Variants in CSMD1 observed in about 807,000 individuals in gnomAD.
CSMD1 encodes CUB and sushi domain-containing protein 1.
A neutral mutation model predicts 417.5 loss-of-function variants in CSMD1; 213 were observed. The ratio of observed to expected loss-of-function variants is 0.51; its 90% confidence interval spans 0.46 to 0.57. The LOEUF (loss-of-function observed/expected upper bound fraction) is 0.57. Ranked by LOEUF, CSMD1 falls within the 20% of genes least tolerant of loss-of-function variation. The probability of loss-of-function intolerance (pLI) is 0.00; values close to 1 mark genes in which losing one functional copy is unlikely to be tolerated. For missense variants in CSMD1, 6,923 were observed against 4,529.7 expected (o/e 1.53, Z -15.17); for synonymous variants, 2,862 against 1,736.8 (o/e 1.65, Z -16.11).
At chr8:4,555,810 G>A (rs1380851022) in intron 2 of CSMD1, among the ~76,000 whole-genome samples, 1 of 151,980 alleles carries the variant, frequency 6.6e-6, no homozygotes, top group Non-Finnish European at 1.5e-5. Flanking sequence ...AAACCTATTA[G>A]CTTTTAATAT....
At chr8:4,505,505 TA>T (rs1273487250) in intron 2 of CSMD1, among the ~76,000 whole-genome samples, 1 of 152,186 alleles carries the variant, frequency 6.6e-6, no homozygotes, top group Non-Finnish European at 1.5e-5. Context: ...CTTAATCATT[TA>T]ATTTAATTTT....
chr8:3,562,432 A>C (rs1419405192), intron 10 of CSMD1, among the ~76,000 whole-genome samples: 1 of 113,634 alleles, frequency 8.8e-6, no homozygotes, highest in Non-Finnish European at 1.9e-5. Flanking sequence ...ACATGCACAC[A>C]CACGTGCACA....
At chr8:3,870,114 A>G (rs962846831) in intron 5 of CSMD1, among the ~76,000 whole-genome samples, 2 of 152,144 alleles carry the variant, frequency 1.3e-5, no homozygotes, top group Admixed American at 1.3e-4. Context: ...TGCACTCTAT[A>G]AACAGGTAGA....
intron 20 of CSMD1, among the ~76,000 whole-genome samples, chr8:3,362,340 C>T (rs1040921827): frequency 2.0e-5 from 3 of 152,220 alleles, no homozygotes; most frequent in African/African-American, 7.2e-5. Flanking sequence ...CAGCCTTCCA[C>T]TCAAATGATC....
Position 3,387,666 on chromosome 8 carries a change from C to T in CSMD1, c.2610G>A (p.Ser870=), listed in dbSNP as rs547373475. The T allele has an allele frequency of 1.4e-5, 23 of 1,596,218 alleles. No homozygotes were observed. The highest frequency in any genetic ancestry group is 3.5e-5 in the Admixed American group (2 of 57,452). ...GGATGCCCGGGTCCAGGCAGGAATCCGACTCAAGCGTCACACCTGGATGCA... is the reference window on the plus strand; with the variant it reads ...GGATGCCCGGGTCCAGGCAGGAATCTGACTCAAGCGTCACACCTGGATGCA... ...LIHYESVTLE[S]DSCLDPGIPV... The change falls in exon 18 of 70, where the codon TCG becomes TCA. Residue 870 remains serine, a synonymous_variant. Coordinates refer to ENST00000635120, the MANE Select transcript of CSMD1 (RefSeq NM_033225.6).
intron 2 of CSMD1, among the ~76,000 whole-genome samples, chr8:4,631,943 G>C (rs777752419): frequency 2.0e-5 from 3 of 151,990 alleles, no homozygotes; most frequent in Non-Finnish European, 2.9e-5. Flanking sequence ...TCATAGATTC[G>C]CCTTTATTCA....
intron 3 of CSMD1, among the ~76,000 whole-genome samples, chr8:4,299,243 G>C (rs536343420): frequency 2.2e-4 from 33 of 152,202 alleles, no homozygotes; most frequent in Admixed American, 3.3e-4. Flanking sequence ...ATAAGACACT[G>C]TAAATATTTA....
At chr8:4,126,957 C>A (rs1257621435) in intron 3 of CSMD1, among the ~76,000 whole-genome samples, 4 of 151,934 alleles carry the variant, frequency 2.6e-5, no homozygotes, top group African/African-American at 9.7e-5. Flanking sequence ...CAGGTGAGGA[C>A]CTACACTGTC....
chr8:4,811,097 G>C (rs1798873319), intron 1 of CSMD1, among the ~76,000 whole-genome samples: 1 of 152,186 alleles, frequency 6.6e-6, no homozygotes. Flanking sequence ...TATTCTGTAA[G>C]TGGAAAGCAT....
At chr8:3,714,389 C>T (rs536414909) in intron 6 of CSMD1, among the ~76,000 whole-genome samples, 2 of 150,434 alleles carry the variant, frequency 1.3e-5, no homozygotes, top group South Asian at 2.1e-4. Flanking sequence ...ATTTCCAATT[C>T]CATCATATAT....
At chr8:3,480,391 C>T (rs549830916) in intron 11 of CSMD1, among the ~76,000 whole-genome samples, 20 of 152,020 alleles carry the variant, frequency 1.3e-4, no homozygotes, top group East Asian at 1.2e-3. Flanking sequence ...AAAGGAAAAA[C>T]GAATAAAGCT....
At chr8:3,972,525 C>T (rs918011217) in intron 5 of CSMD1, among the ~76,000 whole-genome samples, 3 of 152,146 alleles carry the variant, frequency 2.0e-5, no homozygotes, top group African/African-American at 7.2e-5. Context: ...GAATATGGTT[C>T]TCTGAATAAG....
intron 5 of CSMD1, among the ~76,000 whole-genome samples, chr8:3,944,698 C>T (rs547701682): frequency 1.3e-5 from 2 of 152,132 alleles, no homozygotes; most frequent in Non-Finnish European, 2.9e-5. Context: ...GTTGAAAATG[C>T]CTCAGGACAT....
intron 25 of CSMD1, among the ~76,000 whole-genome samples, chr8:3,294,494 T>G (rs565181630): frequency 3.3e-5 from 5 of 152,312 alleles, no homozygotes; most frequent in Admixed American, 3.3e-4. Context: ...CTGGGCCGTT[T>G]TTTTAGTCAT....
At chr8:4,340,412 G>C (rs1041469782) in intron 3 of CSMD1, among the ~76,000 whole-genome samples, 4 of 152,044 alleles carry the variant, frequency 2.6e-5, no homozygotes. Context: ...TTTACCATTG[G>C]CCAAATAAAC....
At chr8:4,990,228 CAGA>C (rs961317550) in intron 1 of CSMD1, among the ~76,000 whole-genome samples, 6 of 152,286 alleles carry the variant, frequency 3.9e-5, no homozygotes, top group African/African-American at 1.2e-4. Flanking sequence ...ATGAGTGCTC[CAGA>C]AGCACTGAAA....
At chr8:3,952,073 T>C (rs1256931232) in intron 5 of CSMD1, among the ~76,000 whole-genome samples, 2 of 152,208 alleles carry the variant, frequency 1.3e-5, no homozygotes, top group Non-Finnish European at 2.9e-5. Flanking sequence ...ATTAGTTGTT[T>C]GAATAAAAAT....
At chr8:4,113,249 G>T (rs1237080408) in intron 3 of CSMD1, among the ~76,000 whole-genome samples, 4 of 152,004 alleles carry the variant, frequency 2.6e-5, no homozygotes, top group Admixed American at 6.6e-5. Context: ...TTGAAAGAAA[G>T]GACTGCACAT....
rs1453233188 is a variant in CSMD1, at chr8:4,265,428, T to C, written c.415+154525A>G. ...ATATTCAGAGTTCTTCAAAGCCAGT[T>C]GAAAAAGTGTCCTCTAACTTAATTT... On this transcript the variant is annotated intron_variant, in intron 3 of 69. Coordinates refer to ENST00000635120, the MANE Select transcript of CSMD1 (RefSeq NM_033225.6). 8.5e-5 allele frequency among the ~76,000 whole-genome samples: 4 copies of C among 46,892 alleles called. 1 individual carries two copies. Among genetic ancestry groups the C allele is most frequent in the African/African-American group, 1.5e-4 (4 of 27,048 alleles). 30.8% of individuals were successfully genotyped at this position (46,892 alleles called of 152,430 possible).
Sources: gnomAD v4.1 joint callset for allele counts (sites outside exome capture counted in the v4.1 genomes callset) on GRCh38, gnomAD v4.1.1 for gene constraint, MANE v1.5 for transcripts, NCBI Gene and HGNC (gene_info 2026-07-23, HGNC 2026-07-21) for gene names.